The following CRACD variants were observed in gnomAD, a reference collection of about 807,000 sequenced individuals.
CRACD encodes the protein capping protein-inhibiting regulator of actin dynamics.
CRACD carries 56 observed loss-of-function variants against 106.8 expected under a neutral mutation model. That is an observed-to-expected ratio of 0.52 (90% CI 0.42 to 0.66). CRACD has a LOEUF of 0.66. Ranked by LOEUF, CRACD falls within the 30% of genes least tolerant of loss-of-function variation. The pLI, the probability that CRACD is intolerant of heterozygous loss-of-function variation, is 0.00. For missense variants in CRACD, 1,730 were observed against 1,623.2 expected, an observed-to-expected ratio of 1.07 and a Z score of -1.13; for synonymous variants, 754 against 670.8, an observed-to-expected ratio of 1.12 and a Z score of -1.92.
At chr4:56,098,471 G>A (rs757161582) in intron 1 of CRACD, among the ~76,000 whole-genome samples, 7 of 152,178 alleles carry the variant, frequency 4.6e-5, no homozygotes, top group Non-Finnish European at 1.0e-4. Flanking sequence ...TCTACAAAGT[G>A]TGATAACTTT....
At chr4:56,158,646 TC>T (rs1177256496) in intron 1 of CRACD, among the ~76,000 whole-genome samples, 1 of 152,194 alleles carries the variant, frequency 6.6e-6, no homozygotes, top group Non-Finnish European at 1.5e-5. Flanking sequence ...TGGCTGGCTG[TC>T]ATGTGGGCGA....
rs747347337 is a variant in CRACD, at chr4:56,315,721, C to T, written c.2219C>T (p.Thr740Met). ...DGGTETSKQS[T>M]EAESIRKRPM... Reference sequence around the variant, plus strand: ...GGCACGGAGACCTCCAAACAGAGCACGGAAGCTGAAAGCATACGAAAAAGA... The same window carrying T: ...GGCACGGAGACCTCCAAACAGAGCATGGAAGCTGAAAGCATACGAAAAAGA... Residue 740 changes from threonine (T) to methionine (M), a missense_variant, in exon 8 of 11, where the codon ACG becomes ATG. Thr to Met is a moderately conservative substitution (Grantham distance 81). Around this residue, in one of 5 missense-constraint regions of CRACD, gnomAD observed 1,620 missense variants for 1,481.6 expected, o/e 1.09. Transcript: ENST00000682029. The surrounding 1 kb of genome is among the most constrained non-coding windows in gnomAD (Gnocchi z 4.1). The T allele has an allele frequency of 2.5e-6, 4 of 1,614,078 alleles. No homozygotes were observed. Among genetic ancestry groups the T allele is most frequent in the Non-Finnish European group, 3.4e-6 (4 of 1,180,048 alleles).
intron 1 of CRACD, among the ~76,000 whole-genome samples, chr4:56,154,809 A>G (rs1735714468): frequency 1.3e-5 from 2 of 152,130 alleles, no homozygotes; most frequent in Admixed American, 6.6e-5. Context: ...GTTAGGGGAT[A>G]CAGTTGCTAG....
intron 2 of CRACD, among the ~76,000 whole-genome samples, chr4:56,188,217 G>A (rs1291527671): frequency 2.6e-5 from 4 of 151,962 alleles, no homozygotes; most frequent in South Asian, 4.2e-4. Context: ...TTCAAAAATC[G>A]ATATCATTTT....
chr4:56,199,668 C>A (rs1028480935), intron 2 of CRACD, among the ~76,000 whole-genome samples: 1 of 129,986 alleles, frequency 7.7e-6, no homozygotes, highest in Non-Finnish European at 1.6e-5. Context: ...GGCAACAGAG[C>A]GAAACTCCGT....
At chr4:56,288,160 T>C (rs1743478058) in intron 3 of CRACD, among the ~76,000 whole-genome samples, 1 of 151,764 alleles carries the variant, frequency 6.6e-6, no homozygotes, top group South Asian at 2.1e-4. Flanking sequence ...ATTTTTCCTC[T>C]TCTTCTCCTT....
intron 2 of CRACD, among the ~76,000 whole-genome samples, chr4:56,204,770 T>A (rs982789603): frequency 6.6e-6 from 1 of 152,154 alleles, no homozygotes; most frequent in African/African-American, 2.4e-5. Flanking sequence ...TAGCTTTACT[T>A]GAGAGTAAGC....
At chr4:56,287,289 TA>T (rs1266267571) in intron 3 of CRACD, among the ~76,000 whole-genome samples, 1 of 151,440 alleles carries the variant, frequency 6.6e-6, no homozygotes, top group East Asian at 1.9e-4. Context: ...TATACTTGGC[TA>T]ATTTTTTTTT....
At chr4:56,308,211 A>G (rs1412428463) in intron 5 of CRACD, among the ~76,000 whole-genome samples, 1 of 152,202 alleles carries the variant, frequency 6.6e-6, no homozygotes, top group Non-Finnish European at 1.5e-5. Context: ...AGGGAAATGA[A>G]AAAAGAAATG....
At chr4:56,253,682 C>T (rs913610956) in intron 2 of CRACD, among the ~76,000 whole-genome samples, 1 of 152,222 alleles carries the variant, frequency 6.6e-6, no homozygotes, top group Non-Finnish European at 1.5e-5. Context: ...AAAGGGGCTG[C>T]ATTTAGGTCA....
chr4:56,131,322 T>C (rs1218331402), intron 1 of CRACD, among the ~76,000 whole-genome samples: 4 of 152,222 alleles, frequency 2.6e-5, no homozygotes, highest in African/African-American at 4.8e-5. Context: ...GTTGACCTAA[T>C]GTGCCACAGA....
chr4:56,308,672 C>T (rs1461662455), intron 5 of CRACD: 3 of 764,964 alleles, frequency 3.9e-6, no homozygotes, highest in Non-Finnish European at 4.8e-6. Context: ...AAAGGACATT[C>T]CTCCCCTGTT....
intron 2 of CRACD, among the ~76,000 whole-genome samples, chr4:56,221,475 C>T (rs1739025509): frequency 6.6e-6 from 1 of 151,920 alleles, no homozygotes; most frequent in African/African-American, 2.4e-5. Context: ...ACTCCAAAAG[C>T]AAATGCAGCA....
At chr4:56,103,800 G>A (rs981075881) in intron 1 of CRACD, among the ~76,000 whole-genome samples, 36 of 152,134 alleles carry the variant, frequency 2.4e-4, no homozygotes, top group African/African-American at 8.4e-4. Context: ...ATTTTTTTGA[G>A]ACAGAGTTTT....
intron 10 of CRACD, among the ~76,000 whole-genome samples, chr4:56,326,765 A>G (rs1230300356): frequency 1.4e-5 from 2 of 146,712 alleles, no homozygotes; most frequent in Admixed American, 6.9e-5. Context: ...TTTGAAGCAG[A>G]GTCTCTCTCT....
At chr4:56,149,111 C>G (rs544924533) in intron 1 of CRACD, among the ~76,000 whole-genome samples, 22 of 152,188 alleles carry the variant, frequency 1.4e-4, no homozygotes, top group African/African-American at 4.8e-4. Flanking sequence ...CCACCGTGCC[C>G]GGCCTATCCT....
At chr4:56,277,642 A>G (rs113838839) in intron 3 of CRACD, among the ~76,000 whole-genome samples, 3,388 of 152,288 alleles carry the variant, frequency 0.022, 50 homozygotes, top group Non-Finnish European at 0.031. Flanking sequence ...CTACAGTACT[A>G]TACTGTTGGC....
intron 1 of CRACD, among the ~76,000 whole-genome samples, chr4:56,085,701 C>T (rs537165707): frequency 5.3e-5 from 8 of 152,258 alleles, no homozygotes; most frequent in East Asian, 3.9e-4. Flanking sequence ...AAGCAGATCA[C>T]GGGCTGCATC....
chr4:56,133,923 G>A (rs559407821), intron 1 of CRACD, among the ~76,000 whole-genome samples: 4 of 152,206 alleles, frequency 2.6e-5, no homozygotes, highest in African/African-American at 7.2e-5. Flanking sequence ...TCAGCTTGGC[G>A]GGGCGGGGTG....
Sources: gnomAD v4.1 joint callset for allele counts (sites outside exome capture counted in the v4.1 genomes callset) on GRCh38, gnomAD v4.1.1 for gene constraint, gnomAD v4.1.1 regional missense constraint, Gnocchi (gnomAD v3.1) non-coding constraint, MANE v1.5 for transcripts, NCBI Gene and HGNC (gene_info 2026-07-23, HGNC 2026-07-21) for gene names.